ZNF280D: variants seen among roughly 807,000 people sequenced by gnomAD.
ZNF280D encodes suppressor of hairy wing homolog 4.
In ZNF280D, 39 loss-of-function variants were observed where a neutral mutation model predicts 94.7. The observed-to-expected ratio is 0.41, with a 90% CI of 0.32 to 0.54. ZNF280D has a LOEUF of 0.54. ZNF280D is among the 20% of genes least tolerant of loss of function. The probability of loss-of-function intolerance (pLI) is 0.22; values close to 1 mark genes in which losing one functional copy is unlikely to be tolerated. For missense variants in ZNF280D, 1,090 were observed against 1,149.3 expected (o/e 0.95, Z 0.75); for synonymous variants, 398 against 377.6 (o/e 1.05, Z -0.63).
At chr15:56,642,808 T>G (rs1226276344) in intron 20 of ZNF280D, 144 bp downstream of exon 20, 2 of 479,180 alleles carry the variant, frequency 4.2e-6, no homozygotes, top group Admixed American at 4.3e-5. Context: ...AATGAAAAAT[T>G]TTAAATCTCG....
chr15:56,652,946 T>C (rs1038359871), intron 19 of ZNF280D: 11 of 922,676 alleles, frequency 1.2e-5, no homozygotes, highest in Non-Finnish European at 1.4e-5. Context: ...TTAAATAATA[T>C]AATATAAAAA....
intron 1 of ZNF280D, among the ~76,000 whole-genome samples, chr15:56,715,133 A>C (rs998075972): frequency 6.6e-6 from 1 of 152,186 alleles, no homozygotes; most frequent in African/African-American, 2.4e-5. Flanking sequence ...TCAAATTCTC[A>C]TAACAGCCTA....
Position 56,630,969 on chromosome 15 carries a change from T to C in ZNF280D, c.*529A>G, listed in dbSNP as rs2052048729. 6.5e-6 allele frequency: 1 copy of C among 154,008 alleles called. No individual in the cohort carries two copies. Among genetic ancestry groups the C allele is most frequent in the Non-Finnish European group, 1.4e-5 (1 of 69,196 alleles). 9.5% of individuals were successfully genotyped at this position (154,008 alleles called of 1,614,324 possible). On this transcript the variant is annotated 3_prime_UTR_variant, in exon 22 of 22. Coordinates refer to ENST00000267807, the MANE Select transcript of ZNF280D (RefSeq NM_017661.4). ...TTCATCCAAATTCTCATTAGATCAA[T>C]TTAGTACTCTAAGCATGCTCCATTT...
Position 56,666,548 on chromosome 15 carries a change from T to C in ZNF280D, c.1854-13A>G, listed in dbSNP as rs763156884. On this transcript the variant is annotated splice_polypyrimidine_tract_variant and intron_variant, in intron 15 of 21. Transcript: ENST00000267807. ...GCCCCGACGATACCTTAGGGAGACA[T>C]TAAAAAAATGATAAAAATATATTTT... The C allele has an allele frequency of 1.3e-6, 2 of 1,565,246 alleles. No individual in the cohort carries two copies. Among genetic ancestry groups the C allele is most frequent in the Admixed American group, 4.5e-5 (2 of 44,782 alleles).
chr15:56,725,327 G>C (rs750986161), intron 1 of ZNF280D, among the ~76,000 whole-genome samples: 1 of 151,778 alleles, frequency 6.6e-6, no homozygotes, highest in Non-Finnish European at 1.5e-5. Flanking sequence ...TCTTTGCCTG[G>C]GAGTCCAGAA....
intron 1 of ZNF280D, chr15:56,732,746 G>A (rs2058959299): frequency 6.6e-6 from 1 of 152,136 alleles, no homozygotes. Flanking sequence ...AAGTTGGGAG[G>A]AATTCCTTCC....
chr15:56,680,098 C>T (rs544957438), intron 10 of ZNF280D, among the ~76,000 whole-genome samples: 5 of 152,330 alleles, frequency 3.3e-5, no homozygotes, highest in Admixed American at 2.0e-4. Context: ...AGCAAAACCT[C>T]TTGCAAGGAT....
rs761943370 is a variant in ZNF280D, at chr15:56,689,331, T to G, written c.639A>C (p.Ser213=). The G allele has an allele frequency of 8.7e-6, 14 of 1,607,516 alleles. No individual in the cohort carries two copies. The highest frequency in any genetic ancestry group is 1.2e-5 in the Non-Finnish European group (14 of 1,177,806). ...SAVLPSVKSP[S]VTSSQAMLAK... ...CTAGCATAGCCTGGGAAGAAGTCAC[T>G]GAAGGAGATTTAACTGAAGGTAATA... The change falls in exon 8 of 22, where the codon TCA becomes TCC. Residue 213 remains serine (S), a synonymous_variant. Transcript: ENST00000267807.
chr15:56,667,113 A>G (rs1262227311), intron 14 of ZNF280D, 127 bp from the exon 15 acceptor site: 1 of 630,604 alleles, frequency 1.6e-6, no homozygotes, highest in African/African-American at 1.9e-5. Flanking sequence ...CAATCAGGTA[A>G]GTCTCCCATT....
chr15:56,642,850 T>C (rs2052695869), intron 20 of ZNF280D, 102 bp downstream of exon 20: 2 of 640,656 alleles, frequency 3.1e-6, no homozygotes, highest in South Asian at 7.2e-5. Flanking sequence ...ATCCCAAATA[T>C]TGTTGATGTA....
chr15:56,661,530 C>A (rs1433858670), intron 16 of ZNF280D, among the ~76,000 whole-genome samples: 1 of 152,150 alleles, frequency 6.6e-6, no homozygotes, highest in Non-Finnish European at 1.5e-5. Context: ...TTTTAAAATT[C>A]AGTACTCTGT....
At chr15:56,657,633 A>C (rs1429870264) in intron 17 of ZNF280D, among the ~76,000 whole-genome samples, 1 of 152,152 alleles carries the variant, frequency 6.6e-6, no homozygotes, top group Non-Finnish European at 1.5e-5. Flanking sequence ...AGGTACCCTA[A>C]TATCAGGTTT....
intron 6 of ZNF280D, chr15:56,700,122 C>CA (rs771225844): frequency 1.8e-5 from 16 of 913,658 alleles, no homozygotes; most frequent in Non-Finnish European, 2.1e-5. Context: ...CAGGGGATTG[C>CA]AAACTACAAT....
intron 19 of ZNF280D, among the ~76,000 whole-genome samples, chr15:56,644,318 C>G: frequency 6.6e-6 from 1 of 151,878 alleles, no homozygotes; most frequent in East Asian, 1.9e-4. Flanking sequence ...AAGATGAGAT[C>G]ACATCAAGTA....
intron 16 of ZNF280D, among the ~76,000 whole-genome samples, chr15:56,659,274 T>C (rs1047132288): frequency 2.0e-5 from 3 of 148,108 alleles, no homozygotes; most frequent in Admixed American, 6.8e-5. Flanking sequence ...CCCATGATAA[T>C]AGCTTCTATA....
intron 9 of ZNF280D, among the ~76,000 whole-genome samples, chr15:56,684,562 A>C (rs1379651821): frequency 1.3e-5 from 2 of 152,102 alleles, no homozygotes; most frequent in African/African-American, 4.8e-5. Flanking sequence ...AGACATGAAG[A>C]CAAATTAGGA....
Position 56,631,528 on chromosome 15 carries a change from T to C in ZNF280D, c.2910A>G (p.Val970=), listed in dbSNP as rs780211746. Residue 970 remains valine, a synonymous_variant, in exon 22 of 22, where the codon GTA becomes GTG. Coordinates refer to ENST00000267807, the MANE Select transcript of ZNF280D (RefSeq NM_017661.4). Reference sequence around the variant, plus strand: ...TTCTTTCTTTTTCGTCTTCCAGGTCTACTGTTGCCTCTGTTGTGCTAGGGT... The same window carrying C: ...TTCTTTCTTTTTCGTCTTCCAGGTCCACTGTTGCCTCTGTTGTGCTAGGGT... ...GNNPSTTEAT[V]DLEDEKERS 2 of 1,613,390 alleles carry C rather than the reference T, an allele frequency of 1.2e-6. No individual in the cohort carries two copies. The highest frequency in any genetic ancestry group is 1.7e-6 in the Non-Finnish European group (2 of 1,179,376).
At position 56,677,448 on chromosome 15, in the gene ZNF280D, A is replaced by C. The variant is rs544826852; in HGVS notation, c.1263+126T>G. 4.0e-5 allele frequency: 25 copies of C among 624,726 alleles called. No individual in the cohort carries two copies. In the Admixed American group the frequency reaches 4.4e-4, roughly 11 times the overall value. The allele number at this position is 624,726 out of a possible 1,614,324, so 38.7% of individuals were successfully genotyped here. A position where few individuals can be genotyped will look rare whatever the true frequency, so the allele number is the denominator to read the frequency against. ...AAACCCAGCTTGCTGCCTATCCCTC[A>C]TATAATGCATAAGTTATGCCAAGTT... is the stretch of plus-strand genomic sequence containing the variant. On this transcript the variant is annotated intron_variant, in intron 12 of 21. Coordinates refer to ENST00000267807, the MANE Select transcript of ZNF280D (RefSeq NM_017661.4).
At chr15:56,669,098 A>G (rs2054499377) in intron 13 of ZNF280D, 141 bp from the exon 14 acceptor site, 1 of 727,014 alleles carries the variant, frequency 1.4e-6, no homozygotes, top group African/African-American at 1.8e-5. Context: ...ATAATAATAT[A>G]AAATGCCTCA....
Sources: allele counts gnomAD v4.1 joint callset (sites outside exome capture counted in the v4.1 genomes callset), GRCh38; gene constraint gnomAD v4.1.1; transcripts MANE v1.5; gene names NCBI Gene and HGNC (gene_info 2026-07-23, HGNC 2026-07-21).